SF3B1: variants seen among roughly 807,000 people sequenced by gnomAD.
SF3B1 encodes splicing factor 3b subunit 1.
Under a neutral mutation model 153.8 loss-of-function variants are expected in SF3B1, and 12 were observed. The observed-to-expected ratio is 0.08, with a 90% CI of 0.05 to 0.13. SF3B1 has a LOEUF of 0.13. Among genes scored for constraint, SF3B1 ranks in the 10% least tolerant of loss-of-function variants. The pLI is 1.00. For missense variants in SF3B1, 513 were observed against 1,606.1 expected (o/e 0.32, Z 11.63); for synonymous variants, 498 against 525.2 (o/e 0.95, Z 0.71).
chr2:197,410,040 C>A (rs769834483), intron 6 of SF3B1, 33 bp from the exon 7 acceptor site: 2 of 1,363,224 alleles, frequency 1.5e-6, no homozygotes, highest in Non-Finnish European at 2.1e-6. Context: ...ATTTCACACA[C>A]CCACACAGAA....
At position 197,402,587 on chromosome 2, in the gene SF3B1, A is replaced by G. The variant is rs373969934; in HGVS notation, c.2046T>C (p.His682=). The change falls in exon 14 of 25, where the codon CAT becomes CAC. Residue 682 remains histidine (H), a synonymous_variant. Transcript: ENST00000335508. This position sits in a 1 kb window ranked among gnomAD's most constrained non-coding sequence, Gnocchi z 4.6. ...AILMGCAILP[H]LRSLVEIIEH... is the part of the protein sequence containing the mutation. ...CAATGATTTCAACTAAACTTCTAAG[A>G]TGTGGCAAGATGGCACAGCCCATAA... 19 of 1,613,794 alleles carry G rather than the reference A, an allele frequency of 1.2e-5. No individual in the cohort carries two copies. Among genetic ancestry groups the G allele is most frequent in the Admixed American group, 1.7e-5 (1 of 59,990 alleles).
At chr2:197,395,583 T>C (rs2084866938) in intron 23 of SF3B1, among the ~76,000 whole-genome samples, 1 of 152,224 alleles carries the variant, frequency 6.6e-6, no homozygotes. Flanking sequence ...AGTACTCTAC[T>C]GGTGGTCACC....
chr2:197,410,784 G>A (rs1229153570), intron 6 of SF3B1, among the ~76,000 whole-genome samples: 2 of 152,052 alleles, frequency 1.3e-5, no homozygotes, highest in African/African-American at 4.8e-5. Flanking sequence ...GATTACAGGC[G>A]TGAGCCACCG....
In SF3B1 at chr2:197,402,059, T is replaced by C. The variant is rs1484227953; in HGVS notation, c.2149A>G (p.Thr717Ala). The change falls in exon 15 of 25, where the codon ACT (threonine) becomes GCT (alanine). Residue 717 changes from threonine (T) to alanine (A), a missense_variant. By Grantham distance (58) the Thr-to-Ala change is moderately conservative (BLOSUM62 0). Transcript: ENST00000335508. The surrounding 1 kb of genome is among the most constrained non-coding windows in gnomAD (Gnocchi z 4.6). ...LAIAALAEAA[T>A]PYGIESFDSV... The stretch of plus-strand genomic sequence containing the variant: ...TCAAAAGATTCGATACCATAAGGAG[T>C]TGCTGCTTCAGCCAAGGCAGCAATG... The C allele has an allele frequency of 6.2e-7, 1 of 1,613,286 alleles. No individual in the cohort carries two copies. Among genetic ancestry groups the C allele is most frequent in the Non-Finnish European group, 8.5e-7 (1 of 1,179,666 alleles).
At chr2:197,420,571 C>T (rs1300968646) in intron 3 of SF3B1, 29 bp from the exon 4 acceptor site, 2 of 1,402,308 alleles carry the variant, frequency 1.4e-6, no homozygotes, top group Non-Finnish European at 2.0e-6. Context: ...CACTTAATAT[C>T]CACTTTATTA....
chr2:197,429,374 T>A (rs983473691), intron 1 of SF3B1, among the ~76,000 whole-genome samples: 3 of 152,256 alleles, frequency 2.0e-5, no homozygotes, highest in African/African-American at 7.2e-5. Context: ...TATTCCATTG[T>A]ACTACAGTGT....
intron 20 of SF3B1, 114 bp from the exon 21 acceptor site, chr2:197,398,695 T>C: frequency 1.0e-6 from 1 of 977,858 alleles, no homozygotes; most frequent in Non-Finnish European, 1.5e-6. Context: ...TACAGCTGCC[T>C]AGGGAAAGAG....
Position 197,392,442 on chromosome 2 carries a change from C to T in SF3B1, c.3776G>A (p.Arg1259Gln), listed in dbSNP as rs771847036. The change falls in exon 25 of 25, where the codon CGG becomes CAG. Residue 1259 changes from arginine to glutamine, a missense_variant. This residue lies in a region of SF3B1 where 27 missense variants were observed against 126.1 expected (regional missense o/e 0.21). Coordinates refer to ENST00000335508, the MANE Select transcript of SF3B1 (RefSeq NM_012433.4). ...YCLQGLFHPARKVRDVYWKIY... is the reference protein window; with the variant it reads ...YCLQGLFHPAQKVRDVYWKIY... ...TTTCCAATATACATCTCTGACTTTC[C>T]GGGCTGGGTGAAACAGACCCTAAAA... The T allele has an allele frequency of 5.0e-6, 8 of 1,603,736 alleles. No homozygotes were observed. The highest frequency in any genetic ancestry group is 3.4e-5 in the Admixed American group (2 of 59,228).
intron 1 of SF3B1, among the ~76,000 whole-genome samples, chr2:197,434,203 G>A (rs963473627): frequency 6.6e-6 from 1 of 152,170 alleles, no homozygotes; most frequent in African/African-American, 2.4e-5. Context: ...CGTCTTTTCT[G>A]AAAAGTGATC....
Position 197,393,132 on chromosome 2 carries a change from A to AC in SF3B1, c.3595dup (p.Val1199GlyfsTer7). 6.2e-7 allele frequency: 1 copy of AC among 1,613,802 alleles called. No homozygotes were observed. On this transcript the variant is annotated frameshift_variant, in exon 24 of 25. Coordinates refer to ENST00000335508, the MANE Select transcript of SF3B1 (RefSeq NM_012433.4). LOFTEE classifies it high-confidence loss of function. ...CGAATCTTCACAACCAAATCCATAA[A>AC]CCCCAAGTGACATGTGCTGTACCAC...
At chr2:197,404,380 G>A (rs1237219232) in intron 11 of SF3B1, among the ~76,000 whole-genome samples, 1 of 152,128 alleles carries the variant, frequency 6.6e-6, no homozygotes, top group Non-Finnish European at 1.5e-5. Context: ...AGGAGTTCAA[G>A]ACCAGCTTGG....
At chr2:197,399,852 T>G (rs1184731666) in intron 20 of SF3B1, among the ~76,000 whole-genome samples, 1 of 152,126 alleles carries the variant, frequency 6.6e-6, no homozygotes. Flanking sequence ...AAACTTACCC[T>G]TTTTTTCTCT....
chr2:197,418,756 T>G (rs1296387854), intron 4 of SF3B1, 168 bp from the exon 5 acceptor site: 17 of 1,459,570 alleles, frequency 1.2e-5, no homozygotes, highest in Middle Eastern at 3.6e-4. Context: ...TTGAGTTTGC[T>G]GATCAATTTA....
At chr2:197,423,710 G>T in intron 2 of SF3B1, 98 bp downstream of exon 2, 1 of 1,184,900 alleles carries the variant, frequency 8.4e-7, no homozygotes, top group Non-Finnish European at 1.2e-6. Context: ...TCCCAAAAAT[G>T]TTTCTCCAGA....
chr2:197,399,769 C>G (rs879292110), intron 20 of SF3B1, among the ~76,000 whole-genome samples: 23 of 152,148 alleles, frequency 1.5e-4, no homozygotes, highest in Non-Finnish European at 2.5e-4. Flanking sequence ...CACACTATTT[C>G]TACTAGGGTC....
chr2:197,405,629 T>TA (rs1172611429), intron 9 of SF3B1, among the ~76,000 whole-genome samples, 157 bp from the exon 10 acceptor site: 3 of 152,216 alleles, frequency 2.0e-5, no homozygotes, highest in East Asian at 3.8e-4. Flanking sequence ...ATTAGAAACT[T>TA]AAAATATATA....
At chr2:197,421,223 A>G in intron 2 of SF3B1, 90 bp from the exon 3 acceptor site, 1 of 846,836 alleles carries the variant, frequency 1.2e-6, no homozygotes, top group Non-Finnish European at 2.0e-6. Flanking sequence ...TGAAATCAAA[A>G]GATCTATTGA....
intron 22 of SF3B1, among the ~76,000 whole-genome samples, 192 bp downstream of exon 22, chr2:197,397,793 T>C (rs1323640103): frequency 1.3e-5 from 2 of 149,008 alleles, no homozygotes; most frequent in Non-Finnish European, 3.0e-5. Flanking sequence ...CGAGACTCCG[T>C]CTCAAAAAAA....
At chr2:197,403,117 A>G in intron 12 of SF3B1, 82 bp from the exon 13 acceptor site, 7 of 994,420 alleles carry the variant, frequency 7.0e-6, no homozygotes, top group Non-Finnish European at 1.1e-5. Flanking sequence ...AACATACATA[A>G]GAAATTTAGA....
Sources: gnomAD v4.1 joint callset for allele counts (sites outside exome capture counted in the v4.1 genomes callset) on GRCh38, gnomAD v4.1.1 for gene constraint, gnomAD v4.1.1 regional missense constraint, Gnocchi (gnomAD v3.1) non-coding constraint, MANE v1.5 for transcripts, NCBI Gene and HGNC (gene_info 2026-07-23, HGNC 2026-07-21) for gene names.